Variants in PTK7 observed in about 807,000 individuals in gnomAD.
The protein encoded by PTK7 is protein tyrosine kinase 7 (inactive).
In PTK7, 39 loss-of-function variants were observed where a neutral mutation model predicts 116.6. That is an observed-to-expected ratio of 0.33 (90% confidence interval 0.26 to 0.44). The LOEUF (loss-of-function observed/expected upper bound fraction) is 0.44. PTK7 is among the 20% of genes least tolerant of loss of function. The probability of loss-of-function intolerance (pLI) is 1.00; values close to 1 mark genes in which losing one functional copy is unlikely to be tolerated. For synonymous variants in PTK7, 546 were observed against 563.6 expected (o/e 0.97, Z 0.44); for missense variants, 1,169 against 1,425.6 (o/e 0.82, Z 2.90).
intron 5 of PTK7, 106 bp downstream of exon 5, chr6:43,130,767 T>A (rs2150431092): frequency 1.4e-6 from 2 of 1,425,332 alleles, no homozygotes; most frequent in East Asian, 2.3e-5. Flanking sequence ...GTACATGTAT[T>A]ATTTCAAATT....
chr6:43,114,148 C>T (rs2150406243), intron 1 of PTK7, among the ~76,000 whole-genome samples: 1 of 152,316 alleles, frequency 6.6e-6, no homozygotes, highest in South Asian at 2.1e-4. Flanking sequence ...ACCTGCCCTG[C>T]AGGCATGGGG....
chr6:43,105,610 TC>T (rs1767845482), intron 1 of PTK7, among the ~76,000 whole-genome samples: 1 of 152,174 alleles, frequency 6.6e-6, no homozygotes, highest in South Asian at 2.1e-4. Context: ...TAAGATCAAT[TC>T]ATTAAGGTGA....
chr6:43,118,675 A>ATG (rs1561956607), intron 1 of PTK7, among the ~76,000 whole-genome samples: 34 of 115,472 alleles, frequency 2.9e-4, no homozygotes, highest in African/African-American at 1.1e-3. Flanking sequence ...ATATATATAT[A>ATG]TATATATATA....
chr6:43,157,364 A>ATATATATATATATATTTTT (rs70990168), intron 17 of PTK7, among the ~76,000 whole-genome samples: 7 of 54,350 alleles, frequency 1.3e-4, no homozygotes, highest in Non-Finnish European at 1.6e-4. Context: ...ATATATATAT[A>ATATATATATATATATTTTT]TTTTTTTTTT....
chr6:43,096,373 TG>T (rs1487695024), intron 1 of PTK7, among the ~76,000 whole-genome samples: 1 of 150,602 alleles, frequency 6.6e-6, no homozygotes, highest in African/African-American at 2.5e-5. Flanking sequence ...TCCTTGCAGT[TG>T]GTGAAGGAGG....
At chr6:43,095,960 G>T (rs1310932868) in intron 1 of PTK7, among the ~76,000 whole-genome samples, 11 of 152,146 alleles carry the variant, frequency 7.2e-5, no homozygotes, top group Admixed American at 7.2e-4. Flanking sequence ...ATCTAATGCA[G>T]CTACACAGAT....
At chr6:43,150,787 CTTTTTTTTTTTTTTT>C (rs1176963526) in intron 17 of PTK7, among the ~76,000 whole-genome samples, 1 of 60,742 alleles carries the variant, frequency 1.6e-5, no homozygotes, top group Non-Finnish European at 3.0e-5. Context: ...GTAGACTCAG[CTTTTTTTTTTTTTTT>C]TTTTTTTTTT....
At chr6:43,157,518 C>T (rs898803002) in intron 17 of PTK7, among the ~76,000 whole-genome samples, 4 of 148,204 alleles carry the variant, frequency 2.7e-5, no homozygotes, top group African/African-American at 7.4e-5. Flanking sequence ...CATACACACA[C>T]ATATTTTTAA....
At chr6:43,093,609 C>A (rs1271923739) in intron 1 of PTK7, among the ~76,000 whole-genome samples, 1 of 152,114 alleles carries the variant, frequency 6.6e-6, no homozygotes, top group Non-Finnish European at 1.5e-5. Context: ...GGGGCTGATT[C>A]TAACTTTGTG....
intron 17 of PTK7, among the ~76,000 whole-genome samples, chr6:43,157,354 ATATATATATATT>A (rs1771528448): frequency 2.7e-4 from 1 of 3,724 alleles, no homozygotes; most frequent in Admixed American, 5.2e-3. Flanking sequence ...ATATATATAT[ATATATATATATT>A]TTTTTTTTTC....
Position 43,118,653 on chromosome 6 carries a change from C to CTA in PTK7, c.80-10323_80-10322insAT, listed in dbSNP as rs1197539421. On this transcript the variant is annotated intron_variant, in intron 1 of 19. Coordinates refer to ENST00000230419, the MANE Select transcript of PTK7 (RefSeq NM_002821.5). ...TCTCTCTCTCTCTCTCTCTCTCTCT[C>CTA]TCTCTCTATATATATATATATATAT... Among the ~76,000 whole-genome samples the CTA allele has an allele frequency of 7.6e-5, 6 of 79,386 alleles. No homozygotes were observed. In the South Asian group the frequency reaches 1.2e-3, roughly 16 times the overall value. 52.1% of individuals were successfully genotyped at this position (79,386 alleles called of 152,430 possible).
chr6:43,087,592 G>A (rs1766730397), intron 1 of PTK7, among the ~76,000 whole-genome samples: 1 of 152,162 alleles, frequency 6.6e-6, no homozygotes, highest in Non-Finnish European at 1.5e-5. Flanking sequence ...GAGCACTAGG[G>A]TCAGTGTTGG....
At chr6:43,152,888 T>G (rs999158529) in intron 17 of PTK7, among the ~76,000 whole-genome samples, 4 of 151,378 alleles carry the variant, frequency 2.6e-5, no homozygotes, top group African/African-American at 9.7e-5. Flanking sequence ...CAGGTTCAAA[T>G]GATTCTCCTG....
chr6:43,084,025 G>C (rs1410302801), intron 1 of PTK7, among the ~76,000 whole-genome samples: 2 of 152,146 alleles, frequency 1.3e-5, no homozygotes, highest in Non-Finnish European at 2.9e-5. Flanking sequence ...ATTATTGAGG[G>C]AGAGGCCAGA....
chr6:43,148,768 T>TAA (rs11444709), intron 17 of PTK7, among the ~76,000 whole-genome samples: 45 of 151,564 alleles, frequency 3.0e-4, no homozygotes, highest in Admixed American at 3.9e-4. Flanking sequence ...AGGATGCTTT[T>TAA]AAAAAAAACA....
chr6:43,130,749 A>G, intron 5 of PTK7, 88 bp downstream of exon 5: 2 of 1,486,872 alleles, frequency 1.3e-6, no homozygotes, highest in South Asian at 1.2e-5. Context: ...CACAGACATC[A>G]CAGATTTGTA....
At position 43,139,239 on chromosome 6, in the gene PTK7, G is replaced by A. The variant is rs149972636; in HGVS notation, c.1466G>A (p.Ser489Asn). ...TGTATGAGCAGCACCCCAGCCGGCAGCATCGAGGCGCAAGCCCGTGTCCAA... is the reference window on the plus strand; with the variant it reads ...TGTATGAGCAGCACCCCAGCCGGCAACATCGAGGCGCAAGCCCGTGTCCAA... Reference protein sequence around the residue: ...YRCMSSTPAGSIEAQARVQVL... With the variant: ...YRCMSSTPAGNIEAQARVQVL... Residue 489 changes from serine to asparagine, a missense_variant, in exon 9 of 20, where the codon AGC becomes AAC. Transcript: ENST00000230419. The surrounding 1 kb of genome is among the most constrained non-coding windows in gnomAD (Gnocchi z 4.6). 1.2e-6 allele frequency: 2 copies of A among 1,614,238 alleles called. No individual in the cohort carries two copies. The highest frequency in any genetic ancestry group is 1.3e-5 in the African/African-American group (1 of 75,064).
At position 43,129,623 on chromosome 6, in the gene PTK7, A is replaced by C. The variant is rs1769530225; in HGVS notation, c.368-104A>C. ...CCAGGGCTTCCTTGTGTCTGTTGGC[A>C]CAGAGCCTCGAGGTTCCACGGCTTC... is the stretch of plus-strand genomic sequence containing the variant. On this transcript the variant is annotated intron_variant, in intron 2 of 19. Coordinates refer to ENST00000230419, the MANE Select transcript of PTK7 (RefSeq NM_002821.5). The surrounding 1 kb of genome is among the most constrained non-coding windows in gnomAD (Gnocchi z 4.5). 1 of 1,016,428 alleles carries C rather than the reference A, an allele frequency of 9.8e-7. No homozygotes were observed. Among genetic ancestry groups the C allele is most frequent in the Non-Finnish European group, 1.5e-6 (1 of 657,186 alleles). 63.0% of individuals were successfully genotyped at this position (1,016,428 alleles called of 1,614,324 possible). A position where few individuals can be genotyped will look rare whatever the true frequency, so the allele number is the denominator to read the frequency against.
At chr6:43,088,275 C>T (rs1011659269) in intron 1 of PTK7, among the ~76,000 whole-genome samples, 1 of 152,006 alleles carries the variant, frequency 6.6e-6, no homozygotes, top group Non-Finnish European at 1.5e-5. Flanking sequence ...CACTGCACTC[C>T]AGCCTGGGCA....
Sources: gnomAD v4.1 joint callset for allele counts (sites outside exome capture counted in the v4.1 genomes callset) on GRCh38, gnomAD v4.1.1 for gene constraint, Gnocchi (gnomAD v3.1) non-coding constraint, MANE v1.5 for transcripts, NCBI Gene and HGNC (gene_info 2026-07-23, HGNC 2026-07-21) for gene names.